Variants in MCF2L observed in about 807,000 individuals in gnomAD.
MCF2L encodes MCF.2 cell line derived transforming sequence like, also known as guanine nucleotide exchange factor DBS.
In MCF2L, 97 loss-of-function variants were observed where a neutral mutation model predicts 153.4. The observed-to-expected ratio is 0.63, with a 90% CI of 0.54 to 0.75. MCF2L has a LOEUF of 0.75. Among genes scored for constraint, MCF2L ranks in the 30% least tolerant of loss-of-function variants. MCF2L has a pLI of 0.00. For missense variants in MCF2L, 1,347 were observed against 1,495.2 expected (o/e 0.90, Z 1.64); for synonymous variants, 659 against 632.2 (o/e 1.04, Z -0.64).
At chr13:112,937,676 G>C (rs1277803064) in intron 2 of MCF2L, among the ~76,000 whole-genome samples, 1 of 152,192 alleles carries the variant, frequency 6.6e-6, no homozygotes, top group Non-Finnish European at 1.5e-5. Flanking sequence ...GTTCTGATTG[G>C]TTGATACAGC....
intron 2 of MCF2L, chr13:112,909,185 G>T: frequency 1.3e-6 from 1 of 778,378 alleles, no homozygotes; most frequent in African/African-American, 1.7e-5. Flanking sequence ...AACACTGCCT[G>T]TTCCCGAGGG....
intron 12 of MCF2L, among the ~76,000 whole-genome samples, chr13:113,076,716 T>G (rs542354408): frequency 1.6e-4 from 24 of 152,360 alleles, no homozygotes; most frequent in African/African-American, 5.5e-4. Context: ...GTGGCATGGG[T>G]GTGTTCTTCA....
intron 1 of MCF2L, among the ~76,000 whole-genome samples, chr13:112,901,885 G>A (rs922925025): frequency 6.6e-6 from 1 of 152,234 alleles, no homozygotes; most frequent in Non-Finnish European, 1.5e-5. Flanking sequence ...TGAAACAGGA[G>A]TCTGAATGTC....
At chr13:112,979,684 C>T (rs757115064) in intron 1 of MCF2L, 1 of 1,612,948 alleles carries the variant, frequency 6.2e-7, no homozygotes, top group Non-Finnish European at 8.5e-7. Flanking sequence ...GAGAAGGGAG[C>T]ATCCCGGGGA....
At chr13:113,040,185 T>C (rs74115754) in intron 3 of MCF2L, among the ~76,000 whole-genome samples, 1,933 of 152,272 alleles carry the variant, frequency 0.013, 46 homozygotes, top group African/African-American at 0.044. Flanking sequence ...AAAACTAATG[T>C]ATGGTGACAA....
chr13:113,096,167 C>T, intron 27 of MCF2L: 2 of 598,676 alleles, frequency 3.3e-6, no homozygotes, highest in South Asian at 4.0e-5. Flanking sequence ...AAGACAGATT[C>T]ACAGACGCCT....
At chr13:113,042,949 G>A (rs2086593102) in intron 3 of MCF2L, 1 of 152,236 alleles carries the variant, frequency 6.6e-6, no homozygotes, top group Admixed American at 6.5e-5. Flanking sequence ...CAGGGAAAAG[G>A]GGAGAAATTG....
At chr13:113,052,175 G>C (rs2087382261) in intron 4 of MCF2L, among the ~76,000 whole-genome samples, 1 of 152,234 alleles carries the variant, frequency 6.6e-6, no homozygotes. Context: ...TGCCCCGTAA[G>C]TAGATACAAT....
chr13:112,938,292 G>GTTCAGGTGAGCTCTGAGTGGTTGA (rs1389865648), intron 2 of MCF2L, among the ~76,000 whole-genome samples: 2 of 151,250 alleles, frequency 1.3e-5, no homozygotes, highest in Admixed American at 6.6e-5. Flanking sequence ...TGATGGGTTG[G>GTTCAGGTGAGCTCTGAGTGGTTGA]TTCAGGTGAG....
chr13:112,947,328 C>T (rs532484074), intron 2 of MCF2L, among the ~76,000 whole-genome samples: 13 of 152,166 alleles, frequency 8.5e-5, no homozygotes, highest in Non-Finnish European at 1.8e-4. Flanking sequence ...ACATTTATTC[C>T]ATCTCAATAC....
At chr13:113,056,372 T>C (rs2087776850) in intron 4 of MCF2L, among the ~76,000 whole-genome samples, 3 of 150,336 alleles carry the variant, frequency 2.0e-5, no homozygotes, top group Admixed American at 1.3e-4. Flanking sequence ...GCTGAGTGTT[T>C]AGGTGCTGTG....
At chr13:113,065,264 A>G (rs2032187688) in intron 7 of MCF2L, 179 bp downstream of exon 7, 1 of 649,880 alleles carries the variant, frequency 1.5e-6, no homozygotes, top group Non-Finnish European at 2.7e-6. Flanking sequence ...TAGCTCGGCA[A>G]CCTCTCCGAC....
chr13:113,052,030 A>G (rs2087369715), intron 4 of MCF2L, among the ~76,000 whole-genome samples: 1 of 152,206 alleles, frequency 6.6e-6, no homozygotes, highest in South Asian at 2.1e-4. Context: ...CCAAATGTAT[A>G]TTTCAGAATT....
At chr13:113,052,348 C>T (rs537169494) in intron 4 of MCF2L, among the ~76,000 whole-genome samples, 1 of 152,290 alleles carries the variant, frequency 6.6e-6, no homozygotes, top group African/African-American at 2.4e-5. Flanking sequence ...CCGTGTGGGC[C>T]GTGGACCCTG....
At chr13:112,934,669 G>A (rs2081497639) in intron 2 of MCF2L, among the ~76,000 whole-genome samples, 1 of 151,760 alleles carries the variant, frequency 6.6e-6, no homozygotes, top group African/African-American at 2.4e-5. Flanking sequence ...CCAGTTGCAG[G>A]CAGATGCTGT....
chr13:113,060,574 C>T lies in MCF2L; in HGVS notation c.370-19C>T, dbSNP rs1223953762. ...TGCAGAGCACGCTGCAGGCCCTTGT[C>T]TCTCGCCCTCTCTCACAGGCATCTT... On this transcript the variant is annotated intron_variant, in intron 4 of 29. Transcript: ENST00000535094. The T allele has an allele frequency of 3.7e-6, 6 of 1,611,218 alleles. No individual in the cohort carries two copies. Among genetic ancestry groups the T allele is most frequent in the Non-Finnish European group, 5.1e-6 (6 of 1,179,854 alleles).
chr13:112,894,460 G>A (rs2081045909), intron 1 of MCF2L: 2 of 151,534 alleles, frequency 1.3e-5, no homozygotes, highest in Non-Finnish European at 1.5e-5. Context: ...CCTGGAGGGG[G>A]CGCGGGGGTG....
intron 4 of MCF2L, among the ~76,000 whole-genome samples, chr13:113,058,175 T>A (rs1226486691): frequency 6.6e-6 from 1 of 150,492 alleles, no homozygotes; most frequent in Non-Finnish European, 1.5e-5. Context: ...GTTTAGGCAC[T>A]GAGTGGGCAC....
At chr13:112,952,247 C>T (rs76409674) in intron 2 of MCF2L, among the ~76,000 whole-genome samples, 8,994 of 152,248 alleles carry the variant, frequency 0.059, 290 homozygotes, top group Non-Finnish European at 0.065. Context: ...CACTGTGCTT[C>T]GGGCTCCCTC....
Sources: gnomAD v4.1 joint callset for allele counts (sites outside exome capture counted in the v4.1 genomes callset) on GRCh38, gnomAD v4.1.1 for gene constraint, MANE v1.5 for transcripts, NCBI Gene and HGNC (gene_info 2026-07-23, HGNC 2026-07-21) for gene names.